Variants in ZNF426 observed in about 807,000 individuals in gnomAD.
ZNF426 encodes the protein zinc finger protein 426.
ZNF426 carries 23 observed loss-of-function variants against 24.0 expected under a neutral mutation model. The observed-to-expected ratio is 0.96, with a 90% CI of 0.69 to 1.36. The LOEUF is 1.36. Ranked by LOEUF, ZNF426 falls within the 40% of genes most tolerant of loss-of-function variation. The probability of loss-of-function intolerance (pLI) is 0.00; values close to 1 mark genes in which losing one functional copy is unlikely to be tolerated. For synonymous variants in ZNF426, 272 were observed against 224.6 expected (o/e 1.21, Z -1.89); for missense variants, 646 against 658.4 (o/e 0.98, Z 0.21).
At chr19:9,533,757 G>A (rs2144774970) in intron 5 of ZNF426, 83 bp downstream of exon 5, 1 of 1,568,884 alleles carries the variant, frequency 6.4e-7, no homozygotes, top group Middle Eastern at 1.7e-4. Flanking sequence ...TGCATTCAGA[G>A]TTGACATTGC....
At chr19:9,533,700 G>C (rs2073922010) in intron 5 of ZNF426, 140 bp downstream of exon 5, 13 of 1,179,602 alleles carry the variant, frequency 1.1e-5, no homozygotes, top group East Asian at 2.6e-5. Context: ...GGTCACAGTA[G>C]ATTAAAATCT....
At chr19:9,531,664 A>C (rs1387626554) in intron 6 of ZNF426, among the ~76,000 whole-genome samples, 1 of 152,086 alleles carries the variant, frequency 6.6e-6, no homozygotes, top group Non-Finnish European at 1.5e-5. Flanking sequence ...GAAAGTAGGA[A>C]ATTTCTGAAA....
intron 2 of ZNF426, among the ~76,000 whole-genome samples, chr19:9,537,642 A>G (rs2073988087): frequency 6.7e-6 from 1 of 150,146 alleles, no homozygotes; most frequent in South Asian, 2.1e-4. Context: ...AAATGCACAC[A>G]TCCTTCGTTT....
chr19:9,536,388 T>C (rs1177672909), intron 2 of ZNF426, 32 bp from the exon 3 acceptor site: 1 of 1,536,630 alleles, frequency 6.5e-7, no homozygotes, highest in East Asian at 2.4e-5. Context: ...CAACAAGCAG[T>C]ACTTAATCAT....
rs2073833222 is a variant in ZNF426, at chr19:9,528,800, A to G, written c.1245T>C (p.Thr415=). 1.2e-6 allele frequency: 2 copies of G among 1,613,968 alleles called. No homozygotes were observed. Among genetic ancestry groups the G allele is most frequent in the Non-Finnish European group, 1.7e-6 (2 of 1,179,984 alleles). The change falls in exon 8 of 8, where the codon ACT becomes ACC. Residue 415 remains threonine, a synonymous_variant. Transcript: ENST00000253115. ...SNLSGHLRTH[T]EEKACECKIC... is the part of the protein sequence containing the mutation. ...TCTTACACTCACAGGCCTTCTCTTC[A>G]GTGTGAGTTCTCAAATGTCCACTAA...
chr19:9,529,252 T>C lies in ZNF426; in HGVS notation c.793A>G (p.Thr265Ala), dbSNP rs2073843848. 8 of 1,613,762 alleles carry C rather than the reference T, an allele frequency of 5.0e-6. No individual in the cohort carries two copies. The highest frequency in any genetic ancestry group is 1.3e-5 in the African/African-American group (1 of 74,884). The change falls in exon 8 of 8, where the codon ACA becomes GCA. Residue 265 changes from threonine (T) to alanine (A), a missense_variant. Physicochemically the swap from Thr to Ala is moderately conservative, Grantham distance 58. Coordinates refer to ENST00000253115, the MANE Select transcript of ZNF426 (RefSeq NM_024106.3). ...GTTTCTATAAGCACAGAAAGGCTTG[T>C]AGAGTCAATAAAACCTGGCCCATAA... ...RNYGPGFIDS[T>A]SLSVLIETLN...
chr19:9,533,689 T>C (rs1411386942), intron 5 of ZNF426, 151 bp downstream of exon 5: 1 of 1,015,270 alleles, frequency 9.8e-7, no homozygotes, highest in Admixed American at 3.0e-5. Flanking sequence ...ATTTTCAGAA[T>C]GGTCACAGTA....
rs2073784523 is a variant in ZNF426, at chr19:9,525,618, C to G, written c.*2762G>C. The G allele has an allele frequency of 6.6e-6, 1 of 151,734 alleles. No individual in the cohort carries two copies. Among genetic ancestry groups the G allele is most frequent in the Non-Finnish European group, 1.5e-5 (1 of 68,026 alleles). 9.4% of individuals were successfully genotyped at this position (151,734 alleles called of 1,614,324 possible). ...TCTCCTGCCTCAGCCTCCCAAGTAGCTGGGACTACAGGTGCCCGCCACCAC... is the reference window on the plus strand; with the variant it reads ...TCTCCTGCCTCAGCCTCCCAAGTAGGTGGGACTACAGGTGCCCGCCACCAC... On this transcript the variant is annotated 3_prime_UTR_variant, in exon 8 of 8. Transcript: ENST00000253115.
chr19:9,537,779 T>C (rs1175834160), intron 2 of ZNF426, among the ~76,000 whole-genome samples: 1 of 152,100 alleles, frequency 6.6e-6, no homozygotes, highest in African/African-American at 2.4e-5. Context: ...GTCTCCCAAA[T>C]AGCTGAGATT....
chr19:9,529,112 C>T lies in ZNF426; in HGVS notation c.933G>A (p.Lys311=), dbSNP rs781077694. 8.7e-5 allele frequency: 141 copies of T among 1,614,040 alleles called. 1 individual carries two copies. The South Asian group carries it at 1.1e-3, about 12-fold the overall frequency. Reference sequence around the variant, plus strand: ...AATAATTGAAGGCTTTCCCACATTCCTTACATTCATATGGTTTCTCCCCAG... The same window carrying T: ...AATAATTGAAGGCTTTCCCACATTCTTTACATTCATATGGTTTCTCCCCAG... The part of the protein sequence containing the change: ...THTGEKPYEC[K]ECGKAFNYSN... Residue 311 remains lysine (K), a synonymous_variant, in exon 8 of 8, where the codon AAG becomes AAA. Transcript: ENST00000253115.
rs1464121809 is a variant in ZNF426 at position 9,525,067 on chromosome 19, G to A, written c.*3313C>T. ...GATCGAGACCATCCTGGCTAACACA[G>A]TGAAACCCCGTCTCTACTAAAAATA... On this transcript the variant is annotated 3_prime_UTR_variant, in exon 8 of 8. Coordinates refer to ENST00000253115, the MANE Select transcript of ZNF426 (RefSeq NM_024106.3). The A allele has an allele frequency of 1.3e-5, 2 of 151,238 alleles. No homozygotes were observed. Among genetic ancestry groups the A allele is most frequent in the African/African-American group, 2.4e-5 (1 of 41,268 alleles). 9.4% of individuals were successfully genotyped at this position (151,238 alleles called of 1,614,324 possible). A position where few individuals can be genotyped will look rare whatever the true frequency, so the allele number is the denominator to read the frequency against.
rs1239250140 is a variant in ZNF426, at chr19:9,533,797, T to C, written c.244+43A>G. On this transcript the variant is annotated intron_variant, in intron 5 of 7. Transcript: ENST00000253115. ...GCTGCAAAACAGTAAGTACAAAACA[T>C]ATCAGTTCCATAGAAGGCTGCAAGG... 8 of 1,611,838 alleles carry C rather than the reference T, an allele frequency of 5.0e-6. 1 individual carries two copies. The highest frequency in any genetic ancestry group is 1.7e-4 in the Middle Eastern group (1 of 6,056).
In ZNF426 at chr19:9,524,084, G is replaced by C. The variant is rs899525458; in HGVS notation, c.*4296C>G. On this transcript the variant is annotated 3_prime_UTR_variant, in exon 8 of 8. Transcript: ENST00000253115. ...TATCAAGGACTAAGTGGCAGGCAAG[G>C]GCTTTCCCACATTCCTTACATCAAT... 6.5e-6 allele frequency: 1 copy of C among 153,824 alleles called. No individual in the cohort carries two copies. The allele number at this position is 153,824 out of a possible 1,614,324, so 9.5% of individuals were successfully genotyped here.
chr19:9,530,948 A>G, intron 7 of ZNF426, 37 bp downstream of exon 7: 1 of 1,517,848 alleles, frequency 6.6e-7, no homozygotes, highest in East Asian at 2.3e-5. Flanking sequence ...ATTTTCTCTG[A>G]GGGTGGAAAA....
chr19:9,523,675 C>T lies in ZNF426; in HGVS notation c.*4705G>A, dbSNP rs904045780. 2 of 152,226 alleles carry T rather than the reference C, an allele frequency of 1.3e-5. No homozygotes were observed. The highest frequency in any genetic ancestry group is 2.9e-5 in the Non-Finnish European group (2 of 68,052). The allele number at this position is 152,226 out of a possible 1,614,324, so 9.4% of individuals were successfully genotyped here. Reference sequence around the variant, plus strand: ...GACTGGAGTTGGGGATTAAACTGTTCCAGTTCAGATCATCAGGCATTAGAT... The same window carrying T: ...GACTGGAGTTGGGGATTAAACTGTTTCAGTTCAGATCATCAGGCATTAGAT... On this transcript the variant is annotated 3_prime_UTR_variant, in exon 8 of 8. Coordinates refer to ENST00000253115, the MANE Select transcript of ZNF426 (RefSeq NM_024106.3).
At chr19:9,536,057 G>T (rs1376684810) in intron 3 of ZNF426, 151 bp downstream of exon 3, 5 of 859,854 alleles carry the variant, frequency 5.8e-6, no homozygotes, top group Non-Finnish European at 9.2e-6. Flanking sequence ...AAATTCACAG[G>T]CAGAGCCTGA....
At chr19:9,536,632 A>C (rs1422769501) in intron 2 of ZNF426, 5 of 262,904 alleles carry the variant, frequency 1.9e-5, no homozygotes, top group South Asian at 8.4e-5. Context: ...CACACATAGA[A>C]AAAATAATCT....
Position 9,528,532 on chromosome 19 carries a change from C to T in ZNF426, c.1513G>A (p.Glu505Lys). 1 of 1,614,160 alleles carries T rather than the reference C, an allele frequency of 6.2e-7. No homozygotes were observed. The highest frequency in any genetic ancestry group is 8.5e-7 in the Non-Finnish European group (1 of 1,180,018). Reference protein sequence around the residue: ...ERTHTGEKPYECKECGKAFTC... With the variant: ...ERTHTGEKPYKCKECGKAFTC... ...AAGGCTTTCCCACACTCCTTGCATT[C>T]ATAGGGTTTCTCTCCAGTGTGAGTC... The change falls in exon 8 of 8, where the codon GAA becomes AAA. Residue 505 changes from glutamate (E) to lysine (K), a missense_variant. Physicochemically the swap from Glu to Lys is moderately conservative, Grantham distance 56. Transcript: ENST00000253115.
Position 9,529,577 on chromosome 19 carries a change from A to G in ZNF426, c.468T>C (p.Ser156=), listed in dbSNP as rs1166711139. 2 of 1,608,112 alleles carry G rather than the reference A, an allele frequency of 1.2e-6. No homozygotes were observed. The highest frequency in any genetic ancestry group is 2.7e-5 in the African/African-American group (2 of 75,024). ...CDCEQCGEVF[S]EHSCLKTHVR... ...CGTGCGTCTTAAGGCATGAGTGTTCACTGAAGACTTCTCCACATTGCTCAC... is the reference window on the plus strand; with the variant it reads ...CGTGCGTCTTAAGGCATGAGTGTTCGCTGAAGACTTCTCCACATTGCTCAC... The change falls in exon 8 of 8, where the codon AGT becomes AGC. Residue 156 remains serine (S), a synonymous_variant. Coordinates refer to ENST00000253115, the MANE Select transcript of ZNF426 (RefSeq NM_024106.3).
Sources: allele counts gnomAD v4.1 joint callset (sites outside exome capture counted in the v4.1 genomes callset), GRCh38; gene constraint gnomAD v4.1.1; transcripts MANE v1.5; gene names NCBI Gene and HGNC (gene_info 2026-07-23, HGNC 2026-07-21).